Variants in PTPN14 observed in about 807,000 individuals in gnomAD.
The protein encoded by PTPN14 is protein tyrosine phosphatase non-receptor type 14.
In PTPN14, 53 loss-of-function variants were observed where a neutral mutation model predicts 126.8. The ratio of observed to expected loss-of-function variants is 0.42; its 90% CI spans 0.34 to 0.53. The LOEUF is 0.53. PTPN14 is among the 20% of genes least tolerant of loss of function. The probability of loss-of-function intolerance (pLI) is 0.08; values close to 1 mark genes in which losing one functional copy is unlikely to be tolerated. For synonymous variants in PTPN14, 630 were observed against 599.3 expected (o/e 1.05, Z -0.75); for missense variants, 1,257 against 1,552.9 (o/e 0.81, Z 3.20).
In PTPN14 at chr1:214,406,808, A is replaced by T. The variant is rs1460784387; in HGVS notation, c.511-3855T>A. Among the ~76,000 whole-genome samples the T allele has an allele frequency of 2.0e-5, 3 of 152,206 alleles. No individual in the cohort carries two copies. In the East Asian group the frequency reaches 5.8e-4, roughly 29 times the overall value. Reference sequence around the variant, plus strand: ...CCTGTCAGAGCATTTTACCATTTACAAACTCATAAATATCATGCTGGTAAT... The same window carrying T: ...CCTGTCAGAGCATTTTACCATTTACTAACTCATAAATATCATGCTGGTAAT... On this transcript the variant is annotated intron_variant, in intron 5 of 18. Coordinates refer to ENST00000366956, the MANE Select transcript of PTPN14 (RefSeq NM_005401.5).
chr1:214,538,045 G>C (rs945847082), intron 1 of PTPN14, among the ~76,000 whole-genome samples: 28 of 152,160 alleles, frequency 1.8e-4, no homozygotes, highest in African/African-American at 6.8e-4. Flanking sequence ...TCCCAACTCA[G>C]ACTAGCCACA....
rs1217633729 is a variant in PTPN14 at position 214,395,110 on chromosome 1, G to A, written c.759-124C>T. On this transcript the variant is annotated intron_variant, in intron 8 of 18. Transcript: ENST00000366956. ...AAACTATGATTTAACTATTTTTTAA[G>A]TGAAATGTTCTTTCAAACGAGAAAA... is the stretch of plus-strand genomic sequence containing the variant. The A allele has an allele frequency of 1.1e-5, 9 of 856,608 alleles. No individual in the cohort carries two copies. In the Admixed American group the frequency reaches 1.2e-4, roughly 12 times the overall value. The allele number at this position is 856,608 out of a possible 1,614,324, so 53.1% of individuals were successfully genotyped here.
At chr1:214,391,130 T>A in intron 10 of PTPN14, 85 bp from the exon 11 acceptor site, 33 of 851,254 alleles carry the variant, frequency 3.9e-5, no homozygotes, top group Non-Finnish European at 5.3e-5. Flanking sequence ...AGGAAGAGAA[T>A]AAACAAGACT....
Position 214,384,497 on chromosome 1 carries a change from T to C in PTPN14, c.1358A>G (p.Lys453Arg). ...PDYETVMRQM[K>R]RGILHTDSQS... is the part of the protein sequence containing the mutation. ...GCTGTCTGTATGCAGGATCCCCCTC[T>C]TCATCTGGCGCATGACTGTCTCATA... The change falls in exon 13 of 19, where the codon AAG (lysine) becomes AGG (arginine). Residue 453 changes from lysine (K) to arginine (R), a missense_variant. Around this residue, in one of 3 missense-constraint regions of PTPN14, gnomAD observed 1,021 missense variants for 1,183.3 expected, o/e 0.86. Transcript: ENST00000366956. The surrounding 1 kb of genome is among the most constrained non-coding windows in gnomAD (Gnocchi z 5.3). 5.0e-6 allele frequency: 8 copies of C among 1,614,160 alleles called. No homozygotes were observed. Among genetic ancestry groups the C allele is most frequent in the Non-Finnish European group, 5.1e-6 (6 of 1,180,040 alleles).
At chr1:214,548,925 A>G (rs1656037609) in intron 1 of PTPN14, among the ~76,000 whole-genome samples, 1 of 152,232 alleles carries the variant, frequency 6.6e-6, no homozygotes, top group South Asian at 2.1e-4. Context: ...GTTAATAATA[A>G]TTACATGTTT....
chr1:214,472,017 A>C (rs1441409047), intron 1 of PTPN14, among the ~76,000 whole-genome samples: 1 of 151,870 alleles, frequency 6.6e-6, no homozygotes, highest in Non-Finnish European at 1.5e-5. Context: ...GGTGTGTCTC[A>C]CCTCCCCAGT....
chr1:214,551,098 G>C (rs1656098587), intron 1 of PTPN14, 85 bp downstream of exon 1: 1 of 152,248 alleles, frequency 6.6e-6, no homozygotes, highest in Admixed American at 6.5e-5. Context: ...CGTTGCCAGC[G>C]TCTGCCCAAG....
At chr1:214,366,849 G>C (rs1373368383) in intron 17 of PTPN14, among the ~76,000 whole-genome samples, 6 of 152,128 alleles carry the variant, frequency 3.9e-5, no homozygotes, top group Admixed American at 2.6e-4. Flanking sequence ...CAGGCGTGGT[G>C]GTGGGCGCCT....
At chr1:214,518,631 C>T (rs1558138805) in intron 1 of PTPN14, among the ~76,000 whole-genome samples, 4 of 152,100 alleles carry the variant, frequency 2.6e-5, no homozygotes, top group Non-Finnish European at 5.9e-5. Context: ...AGGACTGAAA[C>T]CATTTAAAAT....
rs1457134890 is a variant in PTPN14 at position 214,364,598 on chromosome 1, T to G, written c.3349A>C (p.Ile1117Leu). 1.2e-6 allele frequency: 2 copies of G among 1,614,082 alleles called. No individual in the cohort carries two copies. Among genetic ancestry groups the G allele is most frequent in the Admixed American group, 1.7e-5 (1 of 60,014 alleles). The change falls in exon 18 of 19, where the codon ATC becomes CTC. Residue 1117 changes from isoleucine (I) to leucine (L), a missense_variant. Physicochemically the swap from Ile to Leu is conservative, Grantham distance 5. This residue lies in a region of PTPN14 where 171 missense variants were observed against 229.8 expected (regional missense o/e 0.74). Coordinates refer to ENST00000366956, the MANE Select transcript of PTPN14 (RefSeq NM_005401.5). This position sits in a 1 kb window ranked among gnomAD's most constrained non-coding sequence, Gnocchi z 4.1. ...LEGTKNRHPP[I>L]VVHCSAGVGR... ...ACCCCAGCACTACAGTGGACCACGA[T>G]GGGCGGGTGCCGGTTCTTGGTGCCT... is the stretch of plus-strand genomic sequence containing the variant.
chr1:214,455,940 C>G (rs1017792953), intron 2 of PTPN14, among the ~76,000 whole-genome samples: 1 of 152,112 alleles, frequency 6.6e-6, no homozygotes, highest in African/African-American at 2.4e-5. Context: ...TTTGCTCAAT[C>G]TTGCTGTGAA....
intron 1 of PTPN14, among the ~76,000 whole-genome samples, chr1:214,521,504 G>C (rs1655253598): frequency 6.6e-6 from 1 of 152,222 alleles, no homozygotes; most frequent in Non-Finnish European, 1.5e-5. Flanking sequence ...CCTGAGGTCA[G>C]GAGTTTGAAA....
intron 1 of PTPN14, among the ~76,000 whole-genome samples, chr1:214,524,153 T>C (rs1655331628): frequency 6.6e-6 from 1 of 151,904 alleles, no homozygotes; most frequent in Non-Finnish European, 1.5e-5. Flanking sequence ...TCTGGCTGAC[T>C]AGATTCTATA....
chr1:214,544,438 GGAAAA>G (rs1334337070), intron 1 of PTPN14, among the ~76,000 whole-genome samples: 1 of 150,712 alleles, frequency 6.6e-6, no homozygotes, highest in Non-Finnish European at 1.5e-5. Context: ...AAAGAAAGAA[GGAAAA>G]GAAAAGAACG....
intron 15 of PTPN14, among the ~76,000 whole-genome samples, chr1:214,373,607 A>C (rs1467908804): frequency 7.9e-6 from 1 of 126,726 alleles, no homozygotes; most frequent in Non-Finnish European, 1.7e-5. Context: ...ACACACACAC[A>C]CCTGGTCATG....
At chr1:214,438,092 T>C (rs1659959381) in intron 3 of PTPN14, among the ~76,000 whole-genome samples, 2 of 152,226 alleles carry the variant, frequency 1.3e-5, no homozygotes, top group South Asian at 2.1e-4. Flanking sequence ...CAGGAGTCTA[T>C]CATCTCTTTA....
At chr1:214,426,024 A>G (rs998089152) in intron 3 of PTPN14, among the ~76,000 whole-genome samples, 1 of 133,256 alleles carries the variant, frequency 7.5e-6, no homozygotes, top group Non-Finnish European at 1.6e-5. Flanking sequence ...AATCTGGAGC[A>G]TAAATCGCAA....
At chr1:214,425,920 G>A (rs999267954) in intron 3 of PTPN14, among the ~76,000 whole-genome samples, 1 of 151,720 alleles carries the variant, frequency 6.6e-6, no homozygotes, top group African/African-American at 2.4e-5. Context: ...GGCTCCCAGG[G>A]GGTAGGTGAC....
At chr1:214,502,068 A>C (rs1203688892) in intron 1 of PTPN14, among the ~76,000 whole-genome samples, 1 of 151,904 alleles carries the variant, frequency 6.6e-6, no homozygotes, top group African/African-American at 2.4e-5. Flanking sequence ...CAAAAAAAAA[A>C]AAAAAAAAAA....
Sources: allele counts gnomAD v4.1 joint callset (sites outside exome capture counted in the v4.1 genomes callset), GRCh38; gene constraint gnomAD v4.1.1; regional missense constraint gnomAD v4.1.1; non-coding constraint Gnocchi (gnomAD v3.1); transcripts MANE v1.5; gene names NCBI Gene and HGNC (gene_info 2026-07-23, HGNC 2026-07-21).